DCT: variants seen among roughly 807,000 people sequenced by gnomAD.
DCT encodes the protein L-dopachrome tautomerase.
In DCT, 47 loss-of-function variants were observed where a neutral mutation model predicts 53.0. The ratio of observed to expected loss-of-function variants is 0.89; its 90% CI spans 0.70 to 1.13. DCT has a LOEUF of 1.13. DCT is among the 50% of genes most tolerant of loss of function. The probability of loss-of-function intolerance (pLI) is 0.00; values close to 1 mark genes in which losing one functional copy is unlikely to be tolerated. For missense variants in DCT, 669 were observed against 637.4 expected (o/e 1.05, Z -0.53); for synonymous variants, 244 against 237.0 (o/e 1.03, Z -0.27).
chr13:94,502,448 C>A, the DCT span, among the ~76,000 whole-genome samples: 1 of 152,188 alleles, frequency 6.6e-6, no homozygotes, highest in African/African-American at 2.4e-5. Context: ...CTGCCAGACT[C>A]TTTGGGAGAG....
chr13:94,445,997 A>G (rs545167620), intron 6 of DCT, among the ~76,000 whole-genome samples: 124 of 152,240 alleles, frequency 8.1e-4, no homozygotes, highest in Non-Finnish European at 7.5e-4. Context: ...AACAGATGGA[A>G]TGTCAGGCCT....
the DCT span, among the ~76,000 whole-genome samples, chr13:94,506,343 G>A: frequency 6.6e-6 from 1 of 152,164 alleles, no homozygotes; most frequent in East Asian, 1.9e-4. Flanking sequence ...AGCAGAGCCT[G>A]AAACATTTTT....
At chr13:94,472,529 T>C (rs1250885341) in intron 1 of DCT, among the ~76,000 whole-genome samples, 12 of 10,804 alleles carry the variant, frequency 1.1e-3, no homozygotes, top group African/African-American at 3.9e-3. Context: ...TACATATATA[T>C]ATATATATAT....
chr13:94,536,777 T>C, the DCT span, among the ~76,000 whole-genome samples: 5 of 152,152 alleles, frequency 3.3e-5, no homozygotes, highest in Non-Finnish European at 5.9e-5. Flanking sequence ...ACCCCTTCTC[T>C]ATTAAAAATA....
chr13:94,443,720 G>A, intron 6 of DCT, 83 bp from the exon 7 acceptor site: 1 of 1,120,318 alleles, frequency 8.9e-7, no homozygotes. Context: ...CTCTAAAGTG[G>A]AATAACTTCT....
chr13:94,483,006 C>T (rs1452691005), upstream of DCT, among the ~76,000 whole-genome samples: 1 of 152,128 alleles, frequency 6.6e-6, no homozygotes, highest in Non-Finnish European at 1.5e-5. Flanking sequence ...GGCACAGTGG[C>T]TCATGCCTTG....
the DCT span, among the ~76,000 whole-genome samples, chr13:94,491,992 G>A: frequency 1.3e-5 from 2 of 152,246 alleles, no homozygotes; most frequent in African/African-American, 4.8e-5. Flanking sequence ...CATGACCATG[G>A]AGCCTCAGCA....
chr13:94,543,128 T>G, the DCT span, among the ~76,000 whole-genome samples: 1 of 152,130 alleles, frequency 6.6e-6, no homozygotes, highest in Non-Finnish European at 1.5e-5. Context: ...GTGCTTTCTG[T>G]TTTTGCCTGA....
At chr13:94,537,687 A>T in the DCT span, among the ~76,000 whole-genome samples, 10 of 152,254 alleles carry the variant, frequency 6.6e-5, no homozygotes, top group Admixed American at 1.3e-4. Flanking sequence ...ACCTTAAATT[A>T]ACCATACAAC....
the DCT span, among the ~76,000 whole-genome samples, chr13:94,488,630 G>A: frequency 2.6e-5 from 4 of 151,786 alleles, no homozygotes; most frequent in African/African-American, 9.7e-5. Context: ...TGGGAGAATA[G>A]CTTGAGCCCA....
the DCT span, among the ~76,000 whole-genome samples, chr13:94,533,258 T>A: frequency 6.6e-6 from 1 of 150,468 alleles, no homozygotes; most frequent in African/African-American, 2.5e-5. Context: ...CAAAAATAAT[T>A]TATTTGGCAT....
intron 6 of DCT, among the ~76,000 whole-genome samples, chr13:94,458,498 G>T (rs1456173292): frequency 6.6e-6 from 1 of 152,098 alleles, no homozygotes; most frequent in Non-Finnish European, 1.5e-5. Context: ...TTCACCAGGG[G>T]ATGAATATAC....
intron 1 of DCT, among the ~76,000 whole-genome samples, chr13:94,478,447 A>G (rs1166429341): frequency 6.6e-6 from 1 of 152,152 alleles, no homozygotes; most frequent in African/African-American, 2.4e-5. Context: ...ATTGCACTCC[A>G]GCCACGGTGA....
intron 6 of DCT, among the ~76,000 whole-genome samples, chr13:94,455,194 C>T (rs1164537136): frequency 3.3e-5 from 5 of 152,024 alleles, no homozygotes; most frequent in African/African-American, 1.2e-4. Flanking sequence ...GCCTAGGCAA[C>T]ATAGTAAGAC....
the DCT span, among the ~76,000 whole-genome samples, chr13:94,500,295 A>G: frequency 6.6e-6 from 1 of 152,200 alleles, no homozygotes; most frequent in Admixed American, 6.5e-5. Flanking sequence ...GTGGCTGGGG[A>G]GGCCTCACAA....
chr13:94,445,005 T>C (rs1314167314), intron 6 of DCT, among the ~76,000 whole-genome samples: 1 of 152,234 alleles, frequency 6.6e-6, no homozygotes, highest in Admixed American at 6.5e-5. Flanking sequence ...TTGCATACAG[T>C]GCAAAGCTTA....
the DCT span, among the ~76,000 whole-genome samples, chr13:94,528,150 A>C: frequency 1.3e-5 from 2 of 152,342 alleles, no homozygotes; most frequent in East Asian, 3.9e-4. Context: ...GAAAAGACCA[A>C]ATCTGCATTT....
intron 1 of DCT, among the ~76,000 whole-genome samples, chr13:94,472,568 ATTTTTTTTTTTTTTTTTT>A (rs869190962): frequency 0.014 from 202 of 14,930 alleles, 4 homozygotes; most frequent in Non-Finnish European, 0.017. Context: ...ATATATATAT[ATTTTTTTTTTTTTTTTTT>A]TTTTTTTTTT....
Position 94,479,487 on chromosome 13 carries a change from C to T in DCT, c.-232G>A, listed in dbSNP as rs1021440644. On this transcript the variant is annotated 5_prime_UTR_variant, in exon 1 of 8. Coordinates refer to ENST00000377028, the MANE Select transcript of DCT (RefSeq NM_001922.5). ...TTATGTGATTCAAACAACTAACAGA[C>T]TTAATTTCCTTAGAAGCGCCTCTAA... 2.2e-6 allele frequency: 1 copy of T among 457,314 alleles called. No homozygotes were observed. Among genetic ancestry groups the T allele is most frequent in the African/African-American group, 2.0e-5 (1 of 50,704 alleles). The allele number at this position is 457,314 out of a possible 1,614,324, so 28.3% of individuals were successfully genotyped here.
Sources: gnomAD v4.1 joint callset for allele counts (sites outside exome capture counted in the v4.1 genomes callset) on GRCh38, gnomAD v4.1.1 for gene constraint, MANE v1.5 for transcripts, NCBI Gene and HGNC (gene_info 2026-07-23, HGNC 2026-07-21) for gene names.